The following IQCH variants were observed in gnomAD, a reference collection of about 807,000 sequenced individuals.
The protein encoded by IQCH is IQ motif containing H.
Under a neutral mutation model 117.0 loss-of-function variants are expected in IQCH, and 98 were observed. The observed-to-expected ratio is 0.84, with a 90% CI of 0.71 to 0.99. The LOEUF (loss-of-function observed/expected upper bound fraction) is 0.99, where lower values mean the gene tolerates loss of function less well. IQCH is among the 50% of genes least tolerant of loss of function. IQCH has a pLI of 0.00. For synonymous variants in IQCH, 412 were observed against 448.2 expected (o/e 0.92, Z 1.02); for missense variants, 1,102 against 1,243.8 (o/e 0.89, Z 1.72).
chr15:67,296,533 A>G (rs1387466249), intron 4 of IQCH, among the ~76,000 whole-genome samples: 2 of 152,130 alleles, frequency 1.3e-5, no homozygotes, highest in African/African-American at 2.4e-5. Context: ...GCAGGCCATC[A>G]TGCAGAAGAT....
At chr15:67,304,821 C>G (rs1056009254) in intron 4 of IQCH, among the ~76,000 whole-genome samples, 2 of 152,008 alleles carry the variant, frequency 1.3e-5, no homozygotes, top group Non-Finnish European at 2.9e-5. Flanking sequence ...AATAAAACAA[C>G]AGCACAGAAT....
rs2081568777 is a variant in IQCH at position 67,416,093 on chromosome 15, A to G, written c.2098-838A>G. On this transcript the variant is annotated intron_variant, in intron 14 of 20. Coordinates refer to ENST00000335894, the MANE Select transcript of IQCH (RefSeq NM_001031715.3). The surrounding 1 kb of genome is among the most constrained non-coding windows in gnomAD (Gnocchi z 5.1). Reference sequence around the variant, plus strand: ...ATTTTTTTTAAAAATTAAAAAATATATGGAGGTGTCCAGGTGCGGTGGCTC... The same window carrying G: ...ATTTTTTTTAAAAATTAAAAAATATGTGGAGGTGTCCAGGTGCGGTGGCTC... 6.6e-6 allele frequency among the ~76,000 whole-genome samples: 1 copy of G among 152,238 alleles called. No homozygotes were observed. The highest frequency in any genetic ancestry group is 2.1e-4 in the South Asian group (1 of 4,820).
In IQCH at chr15:67,395,701, A is replaced by ATTTATTT; in HGVS notation, c.1905+138_1905+139insTTTATTT. On this transcript the variant is annotated intron_variant, in intron 13 of 20. Coordinates refer to ENST00000335894, the MANE Select transcript of IQCH (RefSeq NM_001031715.3). This position sits in a 1 kb window ranked among gnomAD's most constrained non-coding sequence, Gnocchi z 4.0. ...TATTTGAGTTGATTTGAGGGAATCT[A>ATTTATTT]CTTTATTTATTTATTTATTTATTTA... is the stretch of plus-strand genomic sequence containing the variant. 1 of 242,514 alleles carries ATTTATTT rather than the reference A, an allele frequency of 4.1e-6. No individual in the cohort carries two copies. The highest frequency in any genetic ancestry group is 1.3e-4 in the South Asian group (1 of 7,410). 15.0% of individuals were successfully genotyped at this position (242,514 alleles called of 1,614,324 possible). A position where few individuals can be genotyped will look rare whatever the true frequency, so the allele number is the denominator to read the frequency against.
At chr15:67,326,469 T>C (rs1211838087) in intron 4 of IQCH, among the ~76,000 whole-genome samples, 1 of 152,222 alleles carries the variant, frequency 6.6e-6, no homozygotes, top group Non-Finnish European at 1.5e-5. Context: ...TATAATCCTT[T>C]GGGTATACAC....
In IQCH at chr15:67,431,468, G is replaced by A. The variant is rs1009695024; in HGVS notation, c.2505+9891G>A. Reference sequence around the variant, plus strand: ...AGGGACACATAGAGGGGAACACCACGCACTGAGGCCTATCAAAGGGTGGAG... The same window carrying A: ...AGGGACACATAGAGGGGAACACCACACACTGAGGCCTATCAAAGGGTGGAG... On this transcript the variant is annotated intron_variant, in intron 16 of 20. Transcript: ENST00000335894. The surrounding 1 kb of genome is among the most constrained non-coding windows in gnomAD (Gnocchi z 4.8). 6.6e-5 allele frequency among the ~76,000 whole-genome samples: 10 copies of A among 151,962 alleles called. No homozygotes were observed. The highest frequency in any genetic ancestry group is 1.9e-4 in the African/African-American group (8 of 41,350).
At chr15:67,323,531 C>T (rs562176716) in intron 4 of IQCH, among the ~76,000 whole-genome samples, 6 of 152,032 alleles carry the variant, frequency 3.9e-5, no homozygotes, top group African/African-American at 7.2e-5. Flanking sequence ...TGTGAGCCAC[C>T]GTGCCCAGCC....
chr15:67,497,419 A>G (rs2083850258), intron 20 of IQCH, among the ~76,000 whole-genome samples: 1 of 152,238 alleles, frequency 6.6e-6, no homozygotes, highest in African/African-American at 2.4e-5. Flanking sequence ...ATATTTGTGT[A>G]ATGAATAATG....
At chr15:67,421,051 T>C (rs1263637787) in intron 15 of IQCH, among the ~76,000 whole-genome samples, 1 of 152,250 alleles carries the variant, frequency 6.6e-6, no homozygotes, top group Non-Finnish European at 1.5e-5. Flanking sequence ...TACCATTCAT[T>C]GAGCCCTACA....
At chr15:67,489,284 C>T (rs370981449) in intron 18 of IQCH, among the ~76,000 whole-genome samples, 17 of 151,900 alleles carry the variant, frequency 1.1e-4, no homozygotes, top group African/African-American at 4.1e-4. Context: ...CCGCCTGCCT[C>T]GGCCTCCTGA....
At position 67,416,833 on chromosome 15, in the gene IQCH, T is replaced by G. The variant is rs909382980; in HGVS notation, c.2098-98T>G. 10 of 992,782 alleles carry G rather than the reference T, an allele frequency of 1.0e-5. No individual in the cohort carries two copies. The African/African-American group carries it at 1.5e-4, about 15-fold the overall frequency. The allele number at this position is 992,782 out of a possible 1,614,324, so 61.5% of individuals were successfully genotyped here. A position where few individuals can be genotyped will look rare whatever the true frequency, so the allele number is the denominator to read the frequency against. On this transcript the variant is annotated intron_variant, in intron 14 of 20. Coordinates refer to ENST00000335894, the MANE Select transcript of IQCH (RefSeq NM_001031715.3). This position sits in a 1 kb window ranked among gnomAD's most constrained non-coding sequence, Gnocchi z 5.1. ...ACTCTGGGTAAACAGTAACCACATTTTTTTTGCCTGTTGGAGGCCTGGTTT... is the reference window on the plus strand; with the variant it reads ...ACTCTGGGTAAACAGTAACCACATTGTTTTTGCCTGTTGGAGGCCTGGTTT...
In IQCH at chr15:67,443,298, C is replaced by CT. The variant is rs2082322771; in HGVS notation, c.2505+21722dup. Among the ~76,000 whole-genome samples the CT allele has an allele frequency of 6.6e-6, 1 of 152,130 alleles. No homozygotes were observed. ...TGAGCCACTGCGCCCAGCCTGGAGA[C>CT]TGTTATTCTAAGTGAAGTAACTCAG... On this transcript the variant is annotated intron_variant, in intron 16 of 20. Transcript: ENST00000335894. This position sits in a 1 kb window ranked among gnomAD's most constrained non-coding sequence, Gnocchi z 5.0.
At position 67,443,023 on chromosome 15, in the gene IQCH, T is replaced by G. The variant is rs1397809315; in HGVS notation, c.2505+21446T>G. On this transcript the variant is annotated intron_variant, in intron 16 of 20. Coordinates refer to ENST00000335894, the MANE Select transcript of IQCH (RefSeq NM_001031715.3). The surrounding 1 kb of genome is among the most constrained non-coding windows in gnomAD (Gnocchi z 5.0). ...CTTTTTTTTTTTTGAGATGGAGTCT[T>G]GCTGTTTCGCCCAGTCCAGAGTGCA... is the stretch of plus-strand genomic sequence containing the variant. 6.6e-6 allele frequency among the ~76,000 whole-genome samples: 1 copy of G among 151,830 alleles called. No individual in the cohort carries two copies. The highest frequency in any genetic ancestry group is 2.4e-5 in the African/African-American group (1 of 41,358).
rs912933208 is a variant in IQCH, at chr15:67,344,266, A to C, written c.637+75A>C. 2.1e-6 allele frequency: 3 copies of C among 1,452,122 alleles called. No homozygotes were observed. The African/African-American group carries it at 4.2e-5, about 20-fold the overall frequency. The allele number at this position is 1,452,122 out of a possible 1,614,324, so 90.0% of individuals were successfully genotyped here. A position where few individuals can be genotyped will look rare whatever the true frequency, so the allele number is the denominator to read the frequency against. On this transcript the variant is annotated intron_variant, in intron 6 of 20. Coordinates refer to ENST00000335894, the MANE Select transcript of IQCH (RefSeq NM_001031715.3). ...TCTGCCCCAGATCTAGCCTTCTAGT[A>C]GCCAACTTTTGTCCTCAATAATAGG... is the stretch of plus-strand genomic sequence containing the variant.
At chr15:67,310,232 T>C (rs1485241605) in intron 4 of IQCH, among the ~76,000 whole-genome samples, 3 of 152,100 alleles carry the variant, frequency 2.0e-5, no homozygotes, top group Admixed American at 2.0e-4. Context: ...AATACCTACA[T>C]ATTTCAATTG....
chr15:67,268,728 T>A (rs1965776785), intron 3 of IQCH, among the ~76,000 whole-genome samples: 1 of 152,146 alleles, frequency 6.6e-6, no homozygotes, highest in Non-Finnish European at 1.5e-5. Context: ...CTATCTATTC[T>A]GGGCTGTTCC....
In IQCH at chr15:67,453,607, C is replaced by G. The variant is rs1262357505; in HGVS notation, c.2506-11520C>G. 6.6e-6 allele frequency among the ~76,000 whole-genome samples: 1 copy of G among 152,150 alleles called. No homozygotes were observed. Among genetic ancestry groups the G allele is most frequent in the Admixed American group, 6.5e-5 (1 of 15,276 alleles). On this transcript the variant is annotated intron_variant, in intron 16 of 20. Transcript: ENST00000335894. This position sits in a 1 kb window ranked among gnomAD's most constrained non-coding sequence, Gnocchi z 5.8. ...GCAAGTTTTGTCTCAGAGGAGTACC[C>G]GGCCATGTAAGGTGTCAGTCCGCCC...
intron 3 of IQCH, among the ~76,000 whole-genome samples, chr15:67,274,838 T>C (rs1966055323): frequency 6.6e-6 from 1 of 152,224 alleles, no homozygotes; most frequent in Non-Finnish European, 1.5e-5. Flanking sequence ...ATATCTTTTT[T>C]TCCCCCACTA....
Position 67,430,120 on chromosome 15 carries a change from C to T in IQCH, c.2505+8543C>T, listed in dbSNP as rs2081988462. 6.6e-6 allele frequency among the ~76,000 whole-genome samples: 1 copy of T among 152,254 alleles called. No individual in the cohort carries two copies. The highest frequency in any genetic ancestry group is 2.4e-5 in the African/African-American group (1 of 41,560). On this transcript the variant is annotated intron_variant, in intron 16 of 20. Transcript: ENST00000335894. This position sits in a 1 kb window ranked among gnomAD's most constrained non-coding sequence, Gnocchi z 5.1. ...GCCTTCAGAGATGGCACGCAGAGTA[C>T]ATGGCACTCCAGAATACACAGAGCT... is the stretch of plus-strand genomic sequence containing the variant.
intron 4 of IQCH, among the ~76,000 whole-genome samples, chr15:67,298,308 TA>T (rs71142368): frequency 4.7e-4 from 68 of 144,262 alleles, no homozygotes; most frequent in African/African-American, 4.6e-4. Flanking sequence ...AGACTCGGTC[TA>T]AAAAAAAAAA....
Sources: allele counts gnomAD v4.1 joint callset (sites outside exome capture counted in the v4.1 genomes callset), GRCh38; gene constraint gnomAD v4.1.1; non-coding constraint Gnocchi (gnomAD v3.1); transcripts MANE v1.5; gene names NCBI Gene and HGNC (gene_info 2026-07-23, HGNC 2026-07-21).